KLHL21: variants seen among roughly 807,000 people sequenced by gnomAD.
The protein encoded by KLHL21 is kelch like family member 21.
In KLHL21, 42 loss-of-function variants were observed where a neutral mutation model predicts 44.1. The ratio of observed to expected loss-of-function variants is 0.95; its 90% CI spans 0.74 to 1.23. The LOEUF is 1.23. Among genes scored for constraint, KLHL21 ranks in the 50% most tolerant of loss-of-function variants. The pLI is 0.00. For missense variants in KLHL21, 918 were observed against 889.1 expected, an observed-to-expected ratio of 1.03 and a Z score of -0.41; for synonymous variants, 524 against 411.6, an observed-to-expected ratio of 1.27 and a Z score of -3.31.
chr1:6,601,842 C>A lies in KLHL21; in HGVS notation c.976G>T (p.Gly326Ter). Residue 326 changes from glycine (G) to a stop codon, truncating the protein, a stop_gained, in exon 1 of 4, where the codon GGA (glycine) becomes TGA (stop). Transcript: ENST00000377658. LOFTEE classifies it high-confidence loss of function. ...CCCAGCGCCACGATGCTGTAGCCTC[C>A]GCCCAGGTGGTCTGGGAACTCGGCC... ...YLAEFPDHLG[G>*]GYSIVALGND... is the part of the protein sequence containing the mutation. 1 of 1,584,794 alleles carries A rather than the reference C, an allele frequency of 6.3e-7. No individual in the cohort carries two copies. The highest frequency in any genetic ancestry group is 1.8e-5 in the Admixed American group (1 of 56,332).
rs570441162 is a variant in KLHL21 at position 6,597,194 on chromosome 1, A to C, written c.1428-1637T>G. On this transcript the variant is annotated intron_variant, in intron 2 of 3. Transcript: ENST00000377658. Reference sequence around the variant, plus strand: ...CTCCTCCCACACGTGCAAGTGGCTTAGGAAACCCCTGGAAAGGTCAGCAGT... The same window carrying C: ...CTCCTCCCACACGTGCAAGTGGCTTCGGAAACCCCTGGAAAGGTCAGCAGT... 5.3e-5 allele frequency among the ~76,000 whole-genome samples: 8 copies of C among 152,152 alleles called. No individual in the cohort carries two copies. In the South Asian group the frequency reaches 1.0e-3, roughly 20 times the overall value.
In KLHL21 at chr1:6,602,420, AG is replaced by A; in HGVS notation, c.397del (p.Leu133SerfsTer207). 6.3e-7 allele frequency: 1 copy of A among 1,596,182 alleles called. No homozygotes were observed. ...EACGAFLQQQ[L>X]DLANCLDMQD... is the part of the protein sequence containing the mutation. ...CATGTCCAGGCAGTTGGCCAGGTCG[AG>A]CTGCTGCTGCAGGAAGGCCCCGCAC... is the stretch of plus-strand genomic sequence containing the variant. On this transcript the variant is annotated frameshift_variant, in exon 1 of 4. Transcript: ENST00000377658. LOFTEE classifies it high-confidence loss of function.
chr1:6,597,596 C>T (rs1345386893), intron 2 of KLHL21, among the ~76,000 whole-genome samples: 2 of 152,160 alleles, frequency 1.3e-5, no homozygotes, highest in African/African-American at 4.8e-5. Context: ...TGACAAGCAA[C>T]GCCACCCCTG....
At position 6,591,762 on chromosome 1, in the gene KLHL21, C is replaced by T; in HGVS notation, c.*1603G>A. 6.5e-6 allele frequency: 1 copy of T among 153,556 alleles called. No homozygotes were observed. The highest frequency in any genetic ancestry group is 1.4e-5 in the Non-Finnish European group (1 of 69,044). 9.5% of individuals were successfully genotyped at this position (153,556 alleles called of 1,614,324 possible). ...CAAGGGAGCAGAGGAAGGAGAAGGG[C>T]AGGAAAAGGTCCAGGGCACAGGGCA... is the stretch of plus-strand genomic sequence containing the variant. On this transcript the variant is annotated 3_prime_UTR_variant, in exon 4 of 4. Coordinates refer to ENST00000377658, the MANE Select transcript of KLHL21 (RefSeq NM_014851.4).
In KLHL21 at chr1:6,599,199, A is replaced by G. The variant is rs768243093; in HGVS notation, c.1275T>C (p.Tyr425=). ...CSTTACRGRL[Y]AIGSLAGKET... ...CCTTGCCAGCCAGGGAGCCGATGGC[A>G]TAGAGCCGGCCACGGCACGCAGTGG... The change falls in exon 2 of 4, where the codon TAT becomes TAC. Residue 425 remains tyrosine (Y), a synonymous_variant. Transcript: ENST00000377658. 1.9e-6 allele frequency: 3 copies of G among 1,614,046 alleles called. No homozygotes were observed. Among genetic ancestry groups the G allele is most frequent in the African/African-American group, 1.3e-5 (1 of 74,946 alleles).
rs1379839737 is a variant in KLHL21 at position 6,593,410 on chromosome 1, G to C, written c.1749C>G (p.Asp583Glu). The change falls in exon 4 of 4, where the codon GAC becomes GAG. Residue 583 changes from aspartate to glutamate, a missense_variant. Transcript: ENST00000377658. Reference protein sequence around the residue: ...FELDSGSDDMDPGRPRPPRDP... With the variant: ...FELDSGSDDMEPGRPRPPRDP... ...CCCGCGGCGGCCGGGGTCGGCCTGG[G>C]TCCATGTCATCGCTGCCACTGTCCA... 1 of 1,610,922 alleles carries C rather than the reference G, an allele frequency of 6.2e-7. No homozygotes were observed. Among genetic ancestry groups the C allele is most frequent in the Non-Finnish European group, 8.5e-7 (1 of 1,179,010 alleles).
chr1:6,594,255 C>T (rs1640894207), intron 3 of KLHL21: 1 of 189,402 alleles, frequency 5.3e-6, no homozygotes, highest in East Asian at 1.9e-4. Context: ...ATGATGTGTA[C>T]CTCAGACTAA....
At chr1:6,598,809 G>A (rs985419781) in intron 2 of KLHL21, among the ~76,000 whole-genome samples, 7 of 152,232 alleles carry the variant, frequency 4.6e-5, no homozygotes, top group Non-Finnish European at 1.0e-4. Flanking sequence ...CGTGAACCCG[G>A]AAGGTGGAGC....
At position 6,599,135 on chromosome 1, in the gene KLHL21, G is replaced by A; in HGVS notation, c.1339C>T (p.Leu447=). ...TGGCCGCAGTCCACCAGCGACCACAGGTCGGTGTCCGGGTCGTAGCACTGC... is the reference window on the plus strand; with the variant it reads ...TGGCCGCAGTCCACCAGCGACCACAAGTCGGTGTCCGGGTCGTAGCACTGC... ...VMQCYDPDTD[L]WSLVDCGQLP... Residue 447 remains leucine, a synonymous_variant, in exon 2 of 4, where the codon CTG becomes TTG. Coordinates refer to ENST00000377658, the MANE Select transcript of KLHL21 (RefSeq NM_014851.4). 1.2e-6 allele frequency: 2 copies of A among 1,613,934 alleles called. No individual in the cohort carries two copies. Among genetic ancestry groups the A allele is most frequent in the Non-Finnish European group, 1.7e-6 (2 of 1,179,976 alleles).
At position 6,591,388 on chromosome 1, in the gene KLHL21, C is replaced by T. The variant is rs899199773; in HGVS notation, c.*1977G>A. 7.2e-5 allele frequency: 13 copies of T among 180,052 alleles called. No homozygotes were observed. The highest frequency in any genetic ancestry group is 5.2e-4 in the Admixed American group (8 of 15,258). 11.2% of individuals were successfully genotyped at this position (180,052 alleles called of 1,614,324 possible). ...CGGCAGCTGCCAACCACAGCAAAGC[C>T]GCAAAAAAGACTGAGAAAACAGGAA... On this transcript the variant is annotated 3_prime_UTR_variant, in exon 4 of 4. Transcript: ENST00000377658.
chr1:6,594,824 T>C (rs1237285271), intron 3 of KLHL21: 3 of 152,076 alleles, frequency 2.0e-5, no homozygotes, highest in African/African-American at 7.3e-5. Flanking sequence ...AGGCCAGGAG[T>C]GTGAGACCAG....
chr1:6,593,764 G>A, intron 3 of KLHL21, 106 bp from the exon 4 acceptor site: 1 of 1,421,486 alleles, frequency 7.0e-7, no homozygotes, highest in Non-Finnish European at 9.2e-7. Context: ...TACCCCAGAG[G>A]GGTGGCCTTG....
chr1:6,598,870 G>A (rs1292165208), intron 2 of KLHL21, among the ~76,000 whole-genome samples, 177 bp downstream of exon 2: 3 of 152,186 alleles, frequency 2.0e-5, no homozygotes, highest in Non-Finnish European at 4.4e-5. Context: ...GCGACAGAGC[G>A]AGACTCCGTC....
intron 1 of KLHL21, among the ~76,000 whole-genome samples, chr1:6,600,841 C>T (rs1641006203): frequency 6.6e-6 from 1 of 152,186 alleles, no homozygotes; most frequent in Non-Finnish European, 1.5e-5. Context: ...CTGGCAGAAC[C>T]CAGCAGAGGC....
intron 3 of KLHL21, 39 bp from the exon 4 acceptor site, chr1:6,593,697 G>GAGGGT: frequency 6.5e-7 from 1 of 1,535,076 alleles, no homozygotes; most frequent in Non-Finnish European, 8.8e-7. Context: ...GGTCAGAGGA[G>GAGGGT]AGGGTAGGGC....
rs777104274 is a variant in KLHL21 at position 6,595,537 on chromosome 1, T to C, written c.1448A>G (p.Asp483Gly). 1.9e-6 allele frequency: 3 copies of C among 1,614,038 alleles called. No homozygotes were observed. In the East Asian group the frequency reaches 6.7e-5, roughly 36 times the overall value. Reference sequence around the variant, plus strand: ...TTCGTTCCTCGTCGGGTTGTACACGTCCACCTCAGCGGAGTCATCCCTGTG... The same window carrying C: ...TTCGTTCCTCGTCGGGTTGTACACGCCCACCTCAGCGGAGTCATCCCTGTG... ...YFVRDDSAEV[D>G]VYNPTRNEWD... The change falls in exon 3 of 4, where the codon GAC (aspartate) becomes GGC (glycine). Residue 483 changes from aspartate (D) to glycine (G), a missense_variant. Coordinates refer to ENST00000377658, the MANE Select transcript of KLHL21 (RefSeq NM_014851.4).
chr1:6,595,430 G>T (rs1640910846), intron 3 of KLHL21, 55 bp downstream of exon 3: 1 of 1,543,002 alleles, frequency 6.5e-7, no homozygotes, highest in Non-Finnish European at 8.9e-7. Flanking sequence ...TGACACTTGG[G>T]TTGCAAAATC....
rs1219857525 is a variant in KLHL21, at chr1:6,602,605, C to G, written c.213G>C (p.Glu71Asp). Residue 71 changes from glutamate (E) to aspartate (D), a missense_variant, in exon 1 of 4, where the codon GAG (glutamate) becomes GAC (aspartate). By Grantham distance (45) the Glu-to-Asp change is conservative (BLOSUM62 2). Coordinates refer to ENST00000377658, the MANE Select transcript of KLHL21 (RefSeq NM_014851.4). Reference protein sequence around the residue: ...FRAMFAGQLRESRAERVRLHG... With the variant: ...FRAMFAGQLRDSRAERVRLHG... ...GCAGGCGCACCCGCTCGGCGCGGCT[C>G]TCGCGCAGCTGCCCCGCGAACATGG... 4 of 1,524,608 alleles carry G rather than the reference C, an allele frequency of 2.6e-6. No individual in the cohort carries two copies. The highest frequency in any genetic ancestry group is 3.5e-6 in the Non-Finnish European group (4 of 1,141,084). The allele number at this position is 1,524,608 out of a possible 1,614,324, so 94.4% of individuals were successfully genotyped here. A position where few individuals can be genotyped will look rare whatever the true frequency, so the allele number is the denominator to read the frequency against.
intron 1 of KLHL21, among the ~76,000 whole-genome samples, chr1:6,600,439 G>C (rs1641000281): frequency 6.6e-6 from 1 of 152,238 alleles, no homozygotes; most frequent in Admixed American, 6.5e-5. Flanking sequence ...GGACATGAAG[G>C]GACCCCAAGC....
Sources: gnomAD v4.1 joint callset for allele counts (sites outside exome capture counted in the v4.1 genomes callset) on GRCh38, gnomAD v4.1.1 for gene constraint, MANE v1.5 for transcripts, NCBI Gene and HGNC (gene_info 2026-07-23, HGNC 2026-07-21) for gene names.